The following PCDHAC2 variants were observed in gnomAD, a reference collection of about 807,000 sequenced individuals.
PCDHAC2 encodes protocadherin alpha subfamily C, 2, also known as protocadherin alpha-C2.
In PCDHAC2, 24 loss-of-function variants were observed where a neutral mutation model predicts 63.3. The observed-to-expected ratio is 0.38, with a 90% CI of 0.27 to 0.53. The LOEUF (loss-of-function observed/expected upper bound fraction) is 0.53. Ranked by LOEUF, PCDHAC2 falls within the 20% of genes least tolerant of loss-of-function variation. PCDHAC2 has a pLI of 0.81. For synonymous variants in PCDHAC2, 569 were observed against 529.4 expected (o/e 1.07, Z -1.03); for missense variants, 1,181 against 1,275.2 (o/e 0.93, Z 1.12).
intron 2 of PCDHAC2, among the ~76,000 whole-genome samples, chr5:140,981,515 A>C (rs1554242933): frequency 1.3e-5 from 2 of 152,230 alleles, no homozygotes. Context: ...CAGAGGTTGC[A>C]GTGAGCTGAG....
Position 140,966,944 on chromosome 5 carries a change from A to C in PCDHAC2, c.178A>C (p.Asn60His). 1 of 1,603,894 alleles carries C rather than the reference A, an allele frequency of 6.2e-7. No individual in the cohort carries two copies. The highest frequency in any genetic ancestry group is 8.5e-7 in the Non-Finnish European group (1 of 1,178,536). ...EEQAPGALVGNVARALGLELR... is the reference protein window; with the variant it reads ...EEQAPGALVGHVARALGLELR... Reference sequence around the variant, plus strand: ...GCAGGCACCCGGCGCGCTCGTGGGCAACGTGGCTCGCGCGCTGGGGCTTGA... The same window carrying C: ...GCAGGCACCCGGCGCGCTCGTGGGCCACGTGGCTCGCGCGCTGGGGCTTGA... Residue 60 changes from asparagine (N) to histidine (H), a missense_variant, in exon 1 of 4, where the codon AAC becomes CAC. By Grantham distance (68) the Asn-to-His change is moderately conservative (BLOSUM62 1). Coordinates refer to ENST00000289269, the MANE Select transcript of PCDHAC2 (RefSeq NM_018899.6).
chr5:141,003,074 G>A (rs941146075), intron 3 of PCDHAC2, among the ~76,000 whole-genome samples: 2 of 152,224 alleles, frequency 1.3e-5, no homozygotes, highest in Non-Finnish European at 2.9e-5. Flanking sequence ...GCAGATGAGG[G>A]TGAGTTTAAC....
rs1005130215 is a variant in PCDHAC2 at position 140,976,643 on chromosome 5, A to G, written c.2566-2306A>G. On this transcript the variant is annotated intron_variant, in intron 1 of 3. Coordinates refer to ENST00000289269, the MANE Select transcript of PCDHAC2 (RefSeq NM_018899.6). ...AGCTGAACTCAGCAATCAGACAAGT[A>G]ATTTAATCTCTCCAAAGTTCAGATG... Among the ~76,000 whole-genome samples the G allele has an allele frequency of 2.0e-5, 3 of 152,236 alleles. No homozygotes were observed. In the South Asian group the frequency reaches 6.2e-4, roughly 31 times the overall value.
intron 3 of PCDHAC2, among the ~76,000 whole-genome samples, chr5:140,987,370 A>G (rs183202119): frequency 5.2e-4 from 79 of 152,328 alleles, no homozygotes; most frequent in East Asian, 3.9e-4. Context: ...TTATATCATT[A>G]CAGGGTCAGA....
At position 140,997,829 on chromosome 5, in the gene PCDHAC2, C is replaced by G. The variant is rs1294994549; in HGVS notation, c.2714-11798C>G. On this transcript the variant is annotated intron_variant, in intron 3 of 3. Transcript: ENST00000289269. ...GCTGTTGGTATCTATGTTTTCTAAA[C>G]AATACAATATACATTCTTATACATA... 2.0e-5 allele frequency among the ~76,000 whole-genome samples: 3 copies of G among 152,190 alleles called. No homozygotes were observed. The East Asian group carries it at 5.8e-4, about 29-fold the overall frequency.
Position 141,009,816 on chromosome 5 carries a change from G to A in PCDHAC2, c.2903G>A (p.Ser968Asn). ...QEPTNSQIDK[S>N]DFITFGKKEE... Reference sequence around the variant, plus strand: ...CCTACTAACAGCCAAATTGACAAAAGTGACTTCATAACCTTCGGCAAAAAG... The same window carrying A: ...CCTACTAACAGCCAAATTGACAAAAATGACTTCATAACCTTCGGCAAAAAG... Residue 968 changes from serine to asparagine, a missense_variant, in exon 4 of 4, where the codon AGT (serine) becomes AAT (asparagine). Ser to Asn is a conservative substitution (Grantham distance 46). This residue lies in a region of PCDHAC2 where 968 missense variants were observed against 1,073.5 expected (regional missense o/e 0.90). Transcript: ENST00000289269. 1 of 1,614,044 alleles carries A rather than the reference G, an allele frequency of 6.2e-7. No homozygotes were observed. Among genetic ancestry groups the A allele is most frequent in the African/African-American group, 1.3e-5 (1 of 74,990 alleles).
intron 3 of PCDHAC2, among the ~76,000 whole-genome samples, chr5:141,005,547 C>A (rs2098220537): frequency 6.6e-6 from 1 of 150,736 alleles, no homozygotes; most frequent in South Asian, 2.1e-4. Flanking sequence ...ACTAAAAATA[C>A]AAAAATTAGC....
At chr5:140,993,345 C>T (rs557836440) in intron 3 of PCDHAC2, among the ~76,000 whole-genome samples, 25 of 152,064 alleles carry the variant, frequency 1.6e-4, no homozygotes, top group African/African-American at 4.3e-4. Context: ...AAGGGCACTA[C>T]GAAGATCCTC....
chr5:140,989,575 G>A (rs2097349164), intron 3 of PCDHAC2, among the ~76,000 whole-genome samples: 3 of 152,210 alleles, frequency 2.0e-5, no homozygotes. Flanking sequence ...GGCAAGCCCT[G>A]TCCTCAGCCT....
At chr5:140,982,665 A>T in intron 3 of PCDHAC2, 102 bp downstream of exon 3, 1 of 1,465,322 alleles carries the variant, frequency 6.8e-7, no homozygotes, top group Non-Finnish European at 9.0e-7. Context: ...TTTCTTTTAT[A>T]TTTTTGTTAT....
chr5:141,001,164 A>T (rs2097995699), intron 3 of PCDHAC2, among the ~76,000 whole-genome samples: 1 of 152,102 alleles, frequency 6.6e-6, no homozygotes, highest in East Asian at 1.9e-4. Context: ...AATAAGTAAA[A>T]TTTAACGAGT....
chr5:141,007,722 A>G (rs559470783), intron 3 of PCDHAC2, among the ~76,000 whole-genome samples: 30 of 152,290 alleles, frequency 2.0e-4, no homozygotes, highest in African/African-American at 6.5e-4. Flanking sequence ...ACCAGGGAGA[A>G]CAAAGGTTAA....
intron 3 of PCDHAC2, among the ~76,000 whole-genome samples, chr5:141,002,021 C>A (rs1177146388): frequency 2.6e-5 from 4 of 152,184 alleles, no homozygotes; most frequent in Admixed American, 6.5e-5. Flanking sequence ...GCACAGCCTT[C>A]GGTGCCCTGA....
At chr5:141,000,824 T>C (rs1477357302) in intron 3 of PCDHAC2, among the ~76,000 whole-genome samples, 1 of 152,064 alleles carries the variant, frequency 6.6e-6, no homozygotes, top group Non-Finnish European at 1.5e-5. Context: ...GGAGGATCAC[T>C]TGAGTCCAGG....
In PCDHAC2 at chr5:140,967,257, G is replaced by A. The variant is rs782706939; in HGVS notation, c.491G>A (p.Gly164Glu). ...QLQVSESVAP[G>E]ARFHIESAQD... Reference sequence around the variant, plus strand: ...CAGGTAAGCGAATCGGTGGCGCCTGGAGCGCGCTTTCACATAGAGAGTGCG... The same window carrying A: ...CAGGTAAGCGAATCGGTGGCGCCTGAAGCGCGCTTTCACATAGAGAGTGCG... The change falls in exon 1 of 4, where the codon GGA (glycine) becomes GAA (glutamate). Residue 164 changes from glycine to glutamate, a missense_variant. Coordinates refer to ENST00000289269, the MANE Select transcript of PCDHAC2 (RefSeq NM_018899.6). 1.2e-6 allele frequency: 2 copies of A among 1,613,486 alleles called. No individual in the cohort carries two copies. Among genetic ancestry groups the A allele is most frequent in the East Asian group, 2.2e-5 (1 of 44,852 alleles).
intron 3 of PCDHAC2, among the ~76,000 whole-genome samples, chr5:141,008,307 G>A (rs1212029861): frequency 2.0e-5 from 3 of 152,176 alleles, no homozygotes; most frequent in Admixed American, 1.3e-4. Context: ...ACCCTAAACT[G>A]TAATTGAACA....
At chr5:141,000,361 GTCTCTCTC>G (rs148596731) in intron 3 of PCDHAC2, among the ~76,000 whole-genome samples, 2,007 of 26,308 alleles carry the variant, frequency 0.076, 129 homozygotes, top group East Asian at 0.15. Context: ...GTCTCTCTCT[GTCTCTCTC>G]TCTCTCTCTC....
intron 3 of PCDHAC2, among the ~76,000 whole-genome samples, chr5:140,996,992 T>A (rs565740982): frequency 3.9e-5 from 6 of 152,324 alleles, no homozygotes; most frequent in African/African-American, 1.4e-4. Flanking sequence ...CAACCACTGT[T>A]AACAATTTTG....
At chr5:140,972,500 T>C (rs1554234162) in intron 1 of PCDHAC2, among the ~76,000 whole-genome samples, 1 of 152,108 alleles carries the variant, frequency 6.6e-6, no homozygotes, top group Non-Finnish European at 1.5e-5. Flanking sequence ...AATCTGTTGG[T>C]AGATTTTACC....
Sources: allele counts gnomAD v4.1 joint callset (sites outside exome capture counted in the v4.1 genomes callset), GRCh38; gene constraint gnomAD v4.1.1; regional missense constraint gnomAD v4.1.1; transcripts MANE v1.5; gene names NCBI Gene and HGNC (gene_info 2026-07-23, HGNC 2026-07-21).